Variants in BRINP1 observed in about 807,000 individuals in gnomAD.
BRINP1 encodes BMP/retinoic acid-inducible neural-specific protein 1.
BRINP1 carries 17 observed loss-of-function variants against 72.9 expected under a neutral mutation model. The observed-to-expected ratio is 0.23, with a 90% confidence interval of 0.16 to 0.35. BRINP1 has a LOEUF of 0.35. Ranked by LOEUF, BRINP1 falls within the 10% of genes least tolerant of loss-of-function variation. The pLI is 1.00. For synonymous variants in BRINP1, 418 were observed against 378.5 expected (o/e 1.10, Z -1.21); for missense variants, 850 against 1,001.6 (o/e 0.85, Z 2.04).
chr9:119,227,657 C>A (rs1307917666), intron 5 of BRINP1, among the ~76,000 whole-genome samples: 2 of 152,060 alleles, frequency 1.3e-5, no homozygotes, highest in East Asian at 3.9e-4. Flanking sequence ...GCTTGTGACT[C>A]TAGACTAATT....
intron 7 of BRINP1, among the ~76,000 whole-genome samples, chr9:119,175,493 A>T (rs170722): frequency 0.076 from 11,577 of 152,084 alleles, 1,349 homozygotes; most frequent in African/African-American, 0.25. Context: ...CACGTTCTGC[A>T]CATGTATCCC....
chr9:119,174,393 A>G (rs1373942114), intron 7 of BRINP1, among the ~76,000 whole-genome samples: 1 of 150,356 alleles, frequency 6.7e-6, no homozygotes, highest in African/African-American at 2.5e-5. Flanking sequence ...CCATCAGAGA[A>G]ATGCAAATCA....
chr9:119,207,630 A>G (rs946228742), intron 7 of BRINP1, among the ~76,000 whole-genome samples: 13 of 152,220 alleles, frequency 8.5e-5, no homozygotes, highest in Non-Finnish European at 7.3e-5. Flanking sequence ...GTCACCCCCA[A>G]GTGAGAACCA....
intron 5 of BRINP1, among the ~76,000 whole-genome samples, chr9:119,230,213 T>C (rs745788665): frequency 2.0e-5 from 3 of 152,076 alleles, no homozygotes; most frequent in Non-Finnish European, 4.4e-5. Flanking sequence ...ATATGGTATA[T>C]GTTGGGTGAT....
chr9:119,246,599 G>A (rs1279494768), intron 3 of BRINP1, among the ~76,000 whole-genome samples: 1 of 152,124 alleles, frequency 6.6e-6, no homozygotes, highest in Non-Finnish European at 1.5e-5. Flanking sequence ...TTCCGTCACT[G>A]TAGAGAACCC....
chr9:119,265,809 T>A (rs912352058), intron 2 of BRINP1, among the ~76,000 whole-genome samples: 18 of 152,138 alleles, frequency 1.2e-4, no homozygotes, highest in African/African-American at 4.3e-4. Context: ...GAGGTTTTGG[T>A]GTACAGCTCA....
chr9:119,226,668 G>GT (rs35802673), intron 5 of BRINP1, among the ~76,000 whole-genome samples: 17 of 151,524 alleles, frequency 1.1e-4, no homozygotes, highest in Middle Eastern at 6.8e-3. Flanking sequence ...CTATTCTAGG[G>GT]TTTTTTTTTG....
At chr9:119,188,006 A>T (rs1829642731) in intron 7 of BRINP1, among the ~76,000 whole-genome samples, 1 of 152,224 alleles carries the variant, frequency 6.6e-6, no homozygotes, top group Non-Finnish European at 1.5e-5. Context: ...AAAATAGCCC[A>T]GTAAAGGGGG....
chr9:119,295,947 C>G (rs1234517646), intron 2 of BRINP1, among the ~76,000 whole-genome samples: 2 of 152,108 alleles, frequency 1.3e-5, no homozygotes, highest in Non-Finnish European at 2.9e-5. Flanking sequence ...TAGAAGAAAA[C>G]AGAGATAAAC....
In BRINP1 at chr9:119,167,075, A is replaced by G. The variant is rs765485267; in HGVS notation, c.*9T>C. ...ACAACAGGAAAAGTCCATGGCAAGG[A>G]GTCCCGGGTTAGCAGAGTTTGGCTG... On this transcript the variant is annotated 3_prime_UTR_variant, in exon 8 of 8. Coordinates refer to ENST00000265922, the MANE Select transcript of BRINP1 (RefSeq NM_014618.3). The surrounding 1 kb of genome is among the most constrained non-coding windows in gnomAD (Gnocchi z 4.3). 6.3e-7 allele frequency: 1 copy of G among 1,581,946 alleles called. No homozygotes were observed. The highest frequency in any genetic ancestry group is 1.3e-5 in the African/African-American group (1 of 74,388).
Position 119,220,875 on chromosome 9 carries a change from AT to A in BRINP1, c.686-6721del, listed in dbSNP as rs113420116. On this transcript the variant is annotated intron_variant, in intron 5 of 7. Transcript: ENST00000265922. ...GGTAGATAAAGAAAGTGAACTCAGT[AT>A]GCCATAGCAGAGGGCATAATTTGGG... Among the ~76,000 whole-genome samples, 883 of 152,308 alleles carry A rather than the reference AT, an allele frequency of 5.8e-3. 8 individuals carry two copies. Among genetic ancestry groups the A allele is most frequent in the African/African-American group, 0.019 (800 of 41,574 alleles).
chr9:119,241,869 C>A (rs542479545), intron 4 of BRINP1, among the ~76,000 whole-genome samples, 178 bp downstream of exon 4: 1 of 152,190 alleles, frequency 6.6e-6, no homozygotes, highest in Non-Finnish European at 1.5e-5. Flanking sequence ...AATGACAGTG[C>A]ACATTGATAT....
chr9:119,253,620 C>A (rs541677482), intron 2 of BRINP1, among the ~76,000 whole-genome samples: 2 of 150,846 alleles, frequency 1.3e-5, no homozygotes, highest in Non-Finnish European at 2.9e-5. Flanking sequence ...TGGGGAGGAA[C>A]GAAGGGAAAA....
rs147311009 is a variant in BRINP1, at chr9:119,221,623, T to A, written c.686-7468A>T. Among the ~76,000 whole-genome samples, 505 of 152,296 alleles carry A rather than the reference T, an allele frequency of 3.3e-3. 3 individuals carry two copies. The highest frequency in any genetic ancestry group is 0.012 in the African/African-American group (485 of 41,580). On this transcript the variant is annotated intron_variant, in intron 5 of 7. Transcript: ENST00000265922. ...GGAAAGGCAGATACCTGGGGGTTGG[T>A]GAGTGGGTTCCTGCTTCCTTGATAT...
chr9:119,243,840 TAGG>T (rs910319746), intron 3 of BRINP1, among the ~76,000 whole-genome samples: 3 of 152,144 alleles, frequency 2.0e-5, no homozygotes, highest in African/African-American at 7.2e-5. Flanking sequence ...TACAGAGTCA[TAGG>T]AGATCATTTT....
At chr9:119,330,444 G>C (rs1831288676) in intron 1 of BRINP1, among the ~76,000 whole-genome samples, 1 of 152,088 alleles carries the variant, frequency 6.6e-6, no homozygotes, top group Non-Finnish European at 1.5e-5. Context: ...AATTCTTACT[G>C]TCCCTTGACA....
At position 119,214,099 on chromosome 9, in the gene BRINP1, T is replaced by C; in HGVS notation, c.742A>G (p.Ser248Gly). 3 of 1,614,084 alleles carry C rather than the reference T, an allele frequency of 1.9e-6. No individual in the cohort carries two copies. Among genetic ancestry groups the C allele is most frequent in the Non-Finnish European group, 2.5e-6 (3 of 1,180,020 alleles). ...LQEKFVQSAL[S>G]YIMCNGEGEY... The stretch of plus-strand genomic sequence containing the variant: ...CCCTCCCCATTGCACATGATATAGC[T>C]CAAGGCCGACTGGACAAACTTCTCT... Residue 248 changes from serine (S) to glycine (G), a missense_variant, in exon 6 of 8, where the codon AGC becomes GGC. Physicochemically the swap from Ser to Gly is moderately conservative, Grantham distance 56. Transcript: ENST00000265922.
chr9:119,363,335 C>T (rs149943179), intron 1 of BRINP1, among the ~76,000 whole-genome samples: 2,775 of 152,226 alleles, frequency 0.018, 76 homozygotes, highest in African/African-American at 0.049. Flanking sequence ...CACCTGGGCT[C>T]AAGCGATCCT....
intron 2 of BRINP1, among the ~76,000 whole-genome samples, chr9:119,298,494 G>A (rs575722853): frequency 1.2e-3 from 170 of 147,604 alleles, no homozygotes; most frequent in Non-Finnish European, 1.9e-3. Flanking sequence ...CTTCTTCCTT[G>A]TGTTCAATAA....
Sources: gnomAD v4.1 joint callset for allele counts (sites outside exome capture counted in the v4.1 genomes callset) on GRCh38, gnomAD v4.1.1 for gene constraint, Gnocchi (gnomAD v3.1) non-coding constraint, MANE v1.5 for transcripts, NCBI Gene and HGNC (gene_info 2026-07-23, HGNC 2026-07-21) for gene names.